SEMA6D: variants seen among roughly 807,000 people sequenced by gnomAD.
SEMA6D encodes semaphorin-6D.
SEMA6D carries 35 observed loss-of-function variants against 106.6 expected under a neutral mutation model. The ratio of observed to expected loss-of-function variants is 0.33; its 90% CI spans 0.25 to 0.44. The LOEUF (loss-of-function observed/expected upper bound fraction) is 0.44, where lower values mean the gene tolerates loss of function less well. SEMA6D is among the 20% of genes least tolerant of loss of function. The probability of loss-of-function intolerance (pLI) is 1.00; values close to 1 mark genes in which losing one functional copy is unlikely to be tolerated. For synonymous variants in SEMA6D, 499 were observed against 487.7 expected, an observed-to-expected ratio of 1.02 and a Z score of -0.31; for missense variants, 1,185 against 1,345.9, an observed-to-expected ratio of 0.88 and a Z score of 1.87.
chr15:47,201,986 A>G (rs1894757162), intron 1 of SEMA6D, among the ~76,000 whole-genome samples: 1 of 151,964 alleles, frequency 6.6e-6, no homozygotes, highest in Admixed American at 6.6e-5. Flanking sequence ...TGCCTTCCTT[A>G]TGCTTGAGCA....
chr15:47,587,104 C>T (rs1387350297), intron 3 of SEMA6D, among the ~76,000 whole-genome samples: 1 of 152,116 alleles, frequency 6.6e-6, no homozygotes, highest in African/African-American at 2.4e-5. Flanking sequence ...TGGGCCCAAC[C>T]TGCTGGAGGA....
At chr15:47,256,176 T>G (rs925937369) in intron 1 of SEMA6D, among the ~76,000 whole-genome samples, 5 of 152,174 alleles carry the variant, frequency 3.3e-5, no homozygotes, top group Admixed American at 1.3e-4. Flanking sequence ...TTTAGCTATT[T>G]TAGGGCTGGG....
At chr15:47,315,335 CG>C (rs1450248976) in intron 1 of SEMA6D, among the ~76,000 whole-genome samples, 1 of 152,086 alleles carries the variant, frequency 6.6e-6, no homozygotes, top group Admixed American at 6.5e-5. Flanking sequence ...GTTTCAGCAC[CG>C]TTTGTTGAAC....
In SEMA6D at chr15:47,568,488, C is replaced by T. The variant is rs1326049070; in HGVS notation, c.-86-32377C>T. 3.9e-5 allele frequency among the ~76,000 whole-genome samples: 6 copies of T among 152,052 alleles called. No individual in the cohort carries two copies. The East Asian group carries it at 1.2e-3, about 29-fold the overall frequency. Reference sequence around the variant, plus strand: ...TTTTTAAATAAAACAAGTACCTGGGCCCATTACATTACATTACATTAATTT... The same window carrying T: ...TTTTTAAATAAAACAAGTACCTGGGTCCATTACATTACATTACATTAATTT... On this transcript the variant is annotated intron_variant, in intron 3 of 19. Transcript: ENST00000558014.
At chr15:47,343,137 T>A (rs912905694) in intron 1 of SEMA6D, among the ~76,000 whole-genome samples, 1 of 152,074 alleles carries the variant, frequency 6.6e-6, no homozygotes, top group African/African-American at 2.4e-5. Flanking sequence ...ATTATAGGGC[T>A]CCCCAAATTT....
At chr15:47,405,070 C>G (rs2040517350) in intron 1 of SEMA6D, among the ~76,000 whole-genome samples, 3 of 151,998 alleles carry the variant, frequency 2.0e-5, no homozygotes, top group Non-Finnish European at 4.4e-5. Context: ...CCAGGAGGAG[C>G]AAGCAGCAGT....
At chr15:47,689,523 G>GA (rs2078539442) in intron 4 of SEMA6D, among the ~76,000 whole-genome samples, 1 of 152,184 alleles carries the variant, frequency 6.6e-6, no homozygotes, top group Admixed American at 6.5e-5. Context: ...GAGATGATAG[G>GA]AAAAAAGAAA....
intron 3 of SEMA6D, among the ~76,000 whole-genome samples, chr15:47,594,863 G>T (rs1394639292): frequency 1.3e-5 from 2 of 152,312 alleles, no homozygotes; most frequent in East Asian, 1.9e-4. Flanking sequence ...AGGTGAAAAG[G>T]TTGGAAGAAT....
intron 1 of SEMA6D, among the ~76,000 whole-genome samples, chr15:47,352,127 A>G (rs927304271): frequency 1.3e-5 from 2 of 152,334 alleles, no homozygotes; most frequent in Middle Eastern, 3.4e-3. Context: ...TTTGAATAAA[A>G]GAAAAATTAA....
intron 3 of SEMA6D, among the ~76,000 whole-genome samples, chr15:47,561,163 A>G (rs1404473501): frequency 1.3e-5 from 2 of 152,114 alleles, no homozygotes; most frequent in Non-Finnish European, 2.9e-5. Context: ...TCACACAGAA[A>G]TACTCAAGGA....
intron 3 of SEMA6D, among the ~76,000 whole-genome samples, chr15:47,509,636 T>C (rs573470832): frequency 6.6e-6 from 1 of 152,344 alleles, no homozygotes; most frequent in East Asian, 1.9e-4. Context: ...TCTCTACACC[T>C]TCACTCATCC....
intron 3 of SEMA6D, among the ~76,000 whole-genome samples, chr15:47,571,903 A>AT (rs930184561): frequency 2.7e-4 from 41 of 152,084 alleles, no homozygotes; most frequent in African/African-American, 9.9e-4. Context: ...CAAAGAGATG[A>AT]TTTTTTCTTC....
At chr15:47,252,023 C>T (rs1201373307) in intron 1 of SEMA6D, among the ~76,000 whole-genome samples, 1 of 142,354 alleles carries the variant, frequency 7.0e-6, no homozygotes, top group Non-Finnish European at 1.5e-5. Flanking sequence ...TCACGCCATT[C>T]CCCTGCCTCA....
chr15:47,221,694 G>A (rs1032223678), intron 1 of SEMA6D, among the ~76,000 whole-genome samples: 3 of 152,166 alleles, frequency 2.0e-5, no homozygotes, highest in East Asian at 1.9e-4. Context: ...AACAGGTATC[G>A]CAGATGTTTT....
rs1047891221 is a variant in SEMA6D at position 47,392,159 on chromosome 15, G to A, written c.-238-20234G>A. On this transcript the variant is annotated intron_variant, in intron 1 of 19. Coordinates refer to the SEMA6D transcript ENST00000558014. ...ATCTGAAACATAGGGCACAGAAAAC[G>A]ATCTGAATGACAGTTTTCTCAGTTC... Among the ~76,000 whole-genome samples the A allele has an allele frequency of 5.9e-5, 9 of 152,098 alleles. No homozygotes were observed. In the East Asian group the frequency reaches 1.2e-3, roughly 20 times the overall value.
rs1489067834 is a variant in SEMA6D at position 47,771,718 on chromosome 15, T to C, written c.3155T>C (p.Val1052Ala). The C allele has an allele frequency of 9.9e-6, 16 of 1,614,064 alleles. No homozygotes were observed. The highest frequency in any genetic ancestry group is 1.3e-5 in the African/African-American group (1 of 75,040). Residue 1052 changes from valine to alanine, a missense_variant, in exon 19 of 19, where the codon GTG becomes GCG. Around this residue, in one of 3 missense-constraint regions of SEMA6D, gnomAD observed 750 missense variants for 783.5 expected, o/e 0.96. Transcript: ENST00000536845. ...LKRTPSLKPD[V>A]PPKPSFVPQT... Reference sequence around the variant, plus strand: ...AGGACGCCGTCCTTAAAACCTGACGTGCCACCAAAGCCTTCCTTTGTTCCT... The same window carrying C: ...AGGACGCCGTCCTTAAAACCTGACGCGCCACCAAAGCCTTCCTTTGTTCCT...
intron 2 of SEMA6D, among the ~76,000 whole-genome samples, chr15:47,432,759 C>T (rs2041580557): frequency 6.6e-6 from 1 of 152,038 alleles, no homozygotes; most frequent in African/African-American, 2.4e-5. Flanking sequence ...ATTAACCACT[C>T]CTAATTATGA....
rs530811579 is a variant in SEMA6D, at chr15:47,752,881, C to T, written c.-54-6864C>T. Among the ~76,000 whole-genome samples the T allele has an allele frequency of 3.6e-3, 550 of 151,620 alleles. 3 individuals are homozygous for T. The highest frequency in any genetic ancestry group is 6.2e-3 in the Non-Finnish European group (419 of 67,988). ...AAAATTAGCTGGACGTGGTGGTGCA[C>T]GCCTGTAATACCAGCTACTTTGGAG... On this transcript the variant is annotated intron_variant, in intron 1 of 18. Transcript: ENST00000536845.
rs540312560 is a variant in SEMA6D at position 47,348,285 on chromosome 15, T to C, written c.-238-64108T>C. ...TACTAGCAGTATGACCCTGGAAAAG[T>C]TACCTAACATCTCTCTTCCTCTCCT... On this transcript the variant is annotated intron_variant, in intron 1 of 19. Transcript: ENST00000558014. 3.3e-5 allele frequency among the ~76,000 whole-genome samples: 5 copies of C among 152,222 alleles called. No individual in the cohort carries two copies. The South Asian group carries it at 1.0e-3, about 32-fold the overall frequency.
Sources: gnomAD v4.1 joint callset for allele counts (sites outside exome capture counted in the v4.1 genomes callset) on GRCh38, gnomAD v4.1.1 for gene constraint, gnomAD v4.1.1 regional missense constraint, MANE v1.5 for transcripts, NCBI Gene and HGNC (gene_info 2026-07-23, HGNC 2026-07-21) for gene names.